MOK: variants seen among roughly 807,000 people sequenced by gnomAD.
MOK encodes MAPK/MAK/MRK overlapping kinase.
In MOK, 59 loss-of-function variants were observed where a neutral mutation model predicts 54.2. That is an observed-to-expected ratio of 1.09 (90% CI 0.88 to 1.35). The LOEUF is 1.35. MOK is among the 40% of genes most tolerant of loss of function. The pLI is 0.00. For missense variants in MOK, 517 were observed against 526.2 expected (o/e 0.98, Z 0.17); for synonymous variants, 210 against 202.7 (o/e 1.04, Z -0.31).
intron 2 of MOK, among the ~76,000 whole-genome samples, chr14:102,279,694 G>A (rs1049571819): frequency 6.6e-6 from 1 of 152,094 alleles, no homozygotes; most frequent in Non-Finnish European, 1.5e-5. Flanking sequence ...AAACGACTCA[G>A]TTCTGTTGAG....
intron 4 of MOK, among the ~76,000 whole-genome samples, chr14:102,260,108 G>A (rs180973166): frequency 2.6e-4 from 39 of 151,952 alleles, no homozygotes; most frequent in Admixed American, 7.9e-4. Flanking sequence ...CCCGGGAGGC[G>A]GAGGTTGTGG....
At chr14:102,222,165 G>T (rs2063969099), downstream of MOK, among the ~76,000 whole-genome samples, 1 of 151,386 alleles carries the variant, frequency 6.6e-6, no homozygotes. The surrounding 1 kb of genome is among the most constrained non-coding windows in gnomAD (Gnocchi z 4.4). Context: ...CTTCCTGCTG[G>T]CCCTGGTGGG....
At position 102,229,256 on chromosome 14, in the gene MOK, T is replaced by C. The variant is rs771441996; in HGVS notation, c.*33A>G. On this transcript the variant is annotated 3_prime_UTR_variant, in exon 12 of 12. Coordinates refer to ENST00000361847, the MANE Select transcript of MOK (RefSeq NM_014226.3). ...GGCCTGGCCCGGTCGGGCTTGGTGTTGCCTCCGAAGTCGAGACGACGGTGC... is the reference window on the plus strand; with the variant it reads ...GGCCTGGCCCGGTCGGGCTTGGTGTCGCCTCCGAAGTCGAGACGACGGTGC... The C allele has an allele frequency of 6.4e-5, 99 of 1,557,802 alleles. No individual in the cohort carries two copies. Among genetic ancestry groups the C allele is most frequent in the Middle Eastern group, 2.3e-4 (1 of 4,336 alleles).
downstream of MOK, chr14:102,223,031 T>A (rs2064097195): frequency 2.4e-5 from 21 of 873,238 alleles, 1 homozygote; most frequent in South Asian, 3.2e-4. Context: ...ACCGGCTCAC[T>A]CTGCGGCGCC....
chr14:102,234,479 C>T (rs2065034477), intron 7 of MOK, among the ~76,000 whole-genome samples: 1 of 152,156 alleles, frequency 6.6e-6, no homozygotes, highest in Non-Finnish European at 1.5e-5. Context: ...CTTCCTCCAG[C>T]CTCCAGGCCT....
At chr14:102,302,565 A>ACGTG (rs2072351037) in intron 1 of MOK, among the ~76,000 whole-genome samples, 1 of 149,908 alleles carries the variant, frequency 6.7e-6, no homozygotes, top group African/African-American at 2.5e-5. Flanking sequence ...ACAGGTGCCC[A>ACGTG]CCACCACGCC....
At chr14:102,243,909 C>A (rs2065901183) in intron 7 of MOK, among the ~76,000 whole-genome samples, 1 of 152,168 alleles carries the variant, frequency 6.6e-6, no homozygotes, top group South Asian at 2.1e-4. Context: ...ACTGCTCTGC[C>A]CCCTCCACTA....
At chr14:102,294,811 C>A (rs1207652438) in intron 1 of MOK, among the ~76,000 whole-genome samples, 1 of 152,132 alleles carries the variant, frequency 6.6e-6, no homozygotes, top group Non-Finnish European at 1.5e-5. Context: ...AAAGTGGTTT[C>A]AGCACACAAA....
intron 7 of MOK, among the ~76,000 whole-genome samples, chr14:102,250,353 G>A (rs949363508): frequency 3.3e-5 from 5 of 150,922 alleles, no homozygotes; most frequent in African/African-American, 5.0e-5. Context: ...GCCAAAGGCT[G>A]GGGGGGAGTG....
rs2064391947 is a variant in MOK at position 102,229,088 on chromosome 14, G to C, written c.*201C>G. 3 of 534,096 alleles carry C rather than the reference G, an allele frequency of 5.6e-6. No homozygotes were observed. Among genetic ancestry groups the C allele is most frequent in the Non-Finnish European group, 9.7e-6 (3 of 308,808 alleles). The allele number at this position is 534,096 out of a possible 1,614,324, so 33.1% of individuals were successfully genotyped here. On this transcript the variant is annotated 3_prime_UTR_variant, in exon 12 of 12. Transcript: ENST00000361847. ...ACCCTAGAATGCGGTGGTTTTACAA[G>C]TATATTAGCCCAGAACATCCTAGGC...
chr14:102,257,930 T>G (rs1351732377), intron 4 of MOK, among the ~76,000 whole-genome samples: 2 of 148,210 alleles, frequency 1.3e-5, no homozygotes, highest in African/African-American at 5.0e-5. Context: ...TGAGCAGAGA[T>G]CACGCCACTG....
intron 3 of MOK, chr14:102,263,901 G>A: frequency 3.9e-6 from 1 of 259,276 alleles, no homozygotes; most frequent in Non-Finnish European, 7.3e-6. Context: ...GAAGAAAAAG[G>A]TTGGGGAGTT....
rs573686030 is a variant in MOK at position 102,249,228 on chromosome 14, T to C, written c.590+1584A>G. Among the ~76,000 whole-genome samples the C allele has an allele frequency of 7.9e-5, 12 of 152,356 alleles. No homozygotes were observed. The highest frequency in any genetic ancestry group is 7.8e-4 in the Admixed American group (12 of 15,298). On this transcript the variant is annotated intron_variant, in intron 7 of 11. Transcript: ENST00000361847. The surrounding 1 kb of genome is among the most constrained non-coding windows in gnomAD (Gnocchi z 5.3). The stretch of plus-strand genomic sequence containing the variant: ...ACATTCCGTCATCTGTTCAGCATGA[T>C]GTCTGTGGTGAAATGTGACTAATTC...
intron 4 of MOK, among the ~76,000 whole-genome samples, chr14:102,261,723 G>A (rs1010728128): frequency 1.3e-4 from 19 of 149,892 alleles, no homozygotes; most frequent in African/African-American, 4.7e-4. Context: ...TTTTAGCAGA[G>A]ACAAGGTTTT....
intron 1 of MOK, among the ~76,000 whole-genome samples, chr14:102,303,539 TGGATA>T (rs1010964276): frequency 6.6e-6 from 1 of 152,186 alleles, no homozygotes; most frequent in Non-Finnish European, 1.5e-5. Flanking sequence ...GATTCTTGAT[TGGATA>T]GAAAAAATAT....
intron 1 of MOK, among the ~76,000 whole-genome samples, 185 bp downstream of exon 1, chr14:102,304,777 C>A (rs1479485506): frequency 6.6e-6 from 1 of 152,156 alleles, no homozygotes; most frequent in Non-Finnish European, 1.5e-5. Flanking sequence ...CCCCCAGGGG[C>A]ACCGGCTTCT....
At chr14:102,254,132 C>T (rs1315183920) in intron 4 of MOK, among the ~76,000 whole-genome samples, 2 of 152,008 alleles carry the variant, frequency 1.3e-5, no homozygotes, top group South Asian at 2.1e-4. Flanking sequence ...TTACAGGCAC[C>T]CGCCACCACT....
At chr14:102,228,656 G>C (rs929384979), downstream of MOK, among the ~76,000 whole-genome samples, 2 of 136,142 alleles carry the variant, frequency 1.5e-5, no homozygotes, top group Admixed American at 8.7e-5. Flanking sequence ...CCAAGATTGC[G>C]CCATTGCACT....
At chr14:102,247,696 G>A (rs1464557915) in intron 7 of MOK, among the ~76,000 whole-genome samples, 6 of 152,190 alleles carry the variant, frequency 3.9e-5, no homozygotes, top group Non-Finnish European at 2.9e-5. Flanking sequence ...TCACAGAGGC[G>A]TAGACCGACT....
Sources: gnomAD v4.1 joint callset for allele counts (sites outside exome capture counted in the v4.1 genomes callset) on GRCh38, gnomAD v4.1.1 for gene constraint, Gnocchi (gnomAD v3.1) non-coding constraint, MANE v1.5 for transcripts, NCBI Gene and HGNC (gene_info 2026-07-23, HGNC 2026-07-21) for gene names.